The following UBE2D4 variants were observed in gnomAD, a reference collection of about 807,000 sequenced individuals.
UBE2D4 encodes ubiquitin conjugating enzyme E2 D4, also known as ubiquitin-conjugating enzyme E2 D4.
Under a neutral mutation model 23.0 loss-of-function variants are expected in UBE2D4, and 17 were observed. The ratio of observed to expected loss-of-function variants is 0.74; its 90% CI spans 0.51 to 1.11. UBE2D4 has a LOEUF of 1.11. Ranked by LOEUF, UBE2D4 falls within the 50% of genes least tolerant of loss-of-function variation. The pLI is 0.00. For synonymous variants in UBE2D4, 61 were observed against 69.4 expected (o/e 0.88, Z 0.60); for missense variants, 139 against 181.8 (o/e 0.76, Z 1.35).
chr7:43,931,169 G>A (rs1161864250), intron 1 of UBE2D4, among the ~76,000 whole-genome samples: 1 of 152,090 alleles, frequency 6.6e-6, no homozygotes, highest in Non-Finnish European at 1.5e-5. Context: ...GGATGAGGTG[G>A]CCCATGCCTG....
chr7:43,949,512 C>T (rs1449791344), intron 5 of UBE2D4, among the ~76,000 whole-genome samples: 1 of 152,230 alleles, frequency 6.6e-6, no homozygotes, highest in African/African-American at 2.4e-5. Flanking sequence ...TAGGCGTGAG[C>T]CACTGTGCCC....
At position 43,932,013 on chromosome 7, in the gene UBE2D4, G is replaced by C. The variant is rs113627200; in HGVS notation, c.24+5457G>C. 4.8e-3 allele frequency among the ~76,000 whole-genome samples: 700 copies of C among 146,950 alleles called. 5 individuals carry two copies. Among genetic ancestry groups the C allele is most frequent in the African/African-American group, 0.016 (635 of 39,478 alleles). ...ATGACACACTTTTTTTTTTGAGACA[G>C]AGTCTTGCTCTGTCGCCCAGGCTGG... On this transcript the variant is annotated intron_variant, in intron 1 of 6. Coordinates refer to ENST00000222402, the MANE Select transcript of UBE2D4 (RefSeq NM_015983.4).
intron 1 of UBE2D4, among the ~76,000 whole-genome samples, chr7:43,934,349 AG>A: frequency 6.6e-6 from 1 of 152,298 alleles, no homozygotes; most frequent in Non-Finnish European, 1.5e-5. Flanking sequence ...GAAGACACAG[AG>A]GATGATATTG....
intron 1 of UBE2D4, 89 bp downstream of exon 1, chr7:43,926,645 G>C (rs1003433692): frequency 9.7e-5 from 133 of 1,372,676 alleles, no homozygotes; most frequent in South Asian, 8.1e-4. Context: ...AAAGGTGACG[G>C]AGGCTCCGCG....
intron 5 of UBE2D4, chr7:43,948,945 G>T: frequency 1.8e-6 from 1 of 553,048 alleles, no homozygotes; most frequent in South Asian, 2.4e-5. Context: ...GCGCTTCTCA[G>T]CAGTCAATTG....
chr7:43,939,991 A>G (rs912984687), intron 2 of UBE2D4, among the ~76,000 whole-genome samples: 1 of 152,230 alleles, frequency 6.6e-6, no homozygotes, highest in African/African-American at 2.4e-5. Flanking sequence ...TGTACACTTT[A>G]AAGTTGTTTA....
intron 5 of UBE2D4, among the ~76,000 whole-genome samples, chr7:43,949,918 G>A (rs548816812): frequency 3.3e-5 from 5 of 152,032 alleles, no homozygotes; most frequent in African/African-American, 9.7e-5. Flanking sequence ...GCAATGGCGC[G>A]ATCTCGGCTC....
At chr7:43,935,309 T>C (rs1415398744) in intron 1 of UBE2D4, among the ~76,000 whole-genome samples, 1 of 152,212 alleles carries the variant, frequency 6.6e-6, no homozygotes, top group East Asian at 1.9e-4. Context: ...GGGGGCCCTT[T>C]TCTCTAAACC....
rs1297793551 is a variant in UBE2D4, at chr7:43,948,044, A to AT, written c.199-582dup. On this transcript the variant is annotated intron_variant, in intron 4 of 6. Transcript: ENST00000222402. ...GCCCACTTTTTGATAGGGTTGTTTG[A>AT]TTTTTTCTTACAAATATGTTTAAGT... Among the ~76,000 whole-genome samples, 8 of 152,032 alleles carry AT rather than the reference A, an allele frequency of 5.3e-5. No individual in the cohort carries two copies. The South Asian group carries it at 1.0e-3, about 20-fold the overall frequency.
chr7:43,950,552 C>T (rs1451567602), intron 5 of UBE2D4, 47 bp from the exon 6 acceptor site: 4 of 1,514,536 alleles, frequency 2.6e-6, no homozygotes, highest in Admixed American at 1.7e-5. Context: ...AGGGGTGACC[C>T]AGCAGCTTCG....
At chr7:43,933,007 TATATATAC>T (rs1172942911) in intron 1 of UBE2D4, among the ~76,000 whole-genome samples, 1 of 129,726 alleles carries the variant, frequency 7.7e-6, no homozygotes, top group African/African-American at 3.0e-5. Context: ...TATATATATA[TATATATAC>T]ACACACATAT....
At chr7:43,932,005 T>TC (rs2095946769) in intron 1 of UBE2D4, among the ~76,000 whole-genome samples, 1 of 146,782 alleles carries the variant, frequency 6.8e-6, no homozygotes, top group Non-Finnish European at 1.5e-5. Flanking sequence ...ACTTTTTTTT[T>TC]TGAGACAGAG....
intron 1 of UBE2D4, among the ~76,000 whole-genome samples, chr7:43,936,542 C>T (rs1488917212): frequency 6.6e-6 from 1 of 152,040 alleles, no homozygotes; most frequent in Admixed American, 6.6e-5. Flanking sequence ...TCAAAATGTG[C>T]ACAGGATATA....
rs566991379 is a variant in UBE2D4 at position 43,927,340 on chromosome 7, G to A, written c.24+784G>A. ...TTTTGAGGTCTTGCTCTGTCGCCCA[G>A]GCTGGAGTATCGCCCAGGCTGGAGT... On this transcript the variant is annotated intron_variant, in intron 1 of 6. Transcript: ENST00000222402. 3.5e-5 allele frequency among the ~76,000 whole-genome samples: 5 copies of A among 143,828 alleles called. No homozygotes were observed. The South Asian group carries it at 1.1e-3, about 31-fold the overall frequency. The allele number at this position is 143,828 out of a possible 152,430, so 94.4% of individuals were successfully genotyped here. A position where few individuals can be genotyped will look rare whatever the true frequency, so the allele number is the denominator to read the frequency against.
In UBE2D4 at chr7:43,938,438, C is replaced by T. The variant is rs758862388; in HGVS notation, c.32C>T (p.Thr11Ile). ...CACTCTCTCATGTTCTAGGAATTAA[C>T]CGACTTGCAGAGGGATCCTCCTGCC... MALKRIQKEL[T>I]DLQRDPPAQC... Residue 11 changes from threonine to isoleucine, a missense_variant, in exon 2 of 7, where the codon ACC becomes ATC. Physicochemically the swap from Thr to Ile is moderately conservative, Grantham distance 89. Coordinates refer to ENST00000222402, the MANE Select transcript of UBE2D4 (RefSeq NM_015983.4). 1.4e-5 allele frequency: 22 copies of T among 1,614,080 alleles called. No individual in the cohort carries two copies. The highest frequency in any genetic ancestry group is 1.0e-5 in the Non-Finnish European group (12 of 1,179,970).
At chr7:43,951,881 C>T (rs1042607582) in intron 6 of UBE2D4, 1 of 152,194 alleles carries the variant, frequency 6.6e-6, no homozygotes, top group African/African-American at 2.4e-5. Context: ...TTATTTCCCT[C>T]ATTGGAGTTT....
intron 1 of UBE2D4, among the ~76,000 whole-genome samples, chr7:43,927,608 A>G (rs544154591): frequency 6.6e-6 from 1 of 152,232 alleles, no homozygotes; most frequent in Admixed American, 6.5e-5. Context: ...CCAGTCCTAT[A>G]ACTAATTTTT....
chr7:43,953,445 C>T lies in UBE2D4; in HGVS notation c.*750C>T. On this transcript the variant is annotated 3_prime_UTR_variant, in exon 7 of 7. Coordinates refer to ENST00000222402, the MANE Select transcript of UBE2D4 (RefSeq NM_015983.4). ...CTCCATTTGATGAAGATTCTCACTA[C>T]CGCCCGCTCCTCCCATAGGAGCCTA... 1 of 336,614 alleles carries T rather than the reference C, an allele frequency of 3.0e-6. No individual in the cohort carries two copies. The allele number at this position is 336,614 out of a possible 1,614,324, so 20.9% of individuals were successfully genotyped here.
In UBE2D4 at chr7:43,938,424, G is replaced by A. The variant is rs779724675; in HGVS notation, c.25-7G>A. 1 of 1,613,950 alleles carries A rather than the reference G, an allele frequency of 6.2e-7. No individual in the cohort carries two copies. Among genetic ancestry groups the A allele is most frequent in the East Asian group, 2.2e-5 (1 of 44,878 alleles). On this transcript the variant is annotated splice_region_variant and splice_polypyrimidine_tract_variant and intron_variant, in intron 1 of 6. Transcript: ENST00000222402. ...CAGCAGCTCTGACCCACTCTCTCATGTTCTAGGAATTAACCGACTTGCAGA... is the reference window on the plus strand; with the variant it reads ...CAGCAGCTCTGACCCACTCTCTCATATTCTAGGAATTAACCGACTTGCAGA...
Sources: gnomAD v4.1 joint callset for allele counts (sites outside exome capture counted in the v4.1 genomes callset) on GRCh38, gnomAD v4.1.1 for gene constraint, MANE v1.5 for transcripts, NCBI Gene and HGNC (gene_info 2026-07-23, HGNC 2026-07-21) for gene names.